Variants in CNTLN observed in about 807,000 individuals in gnomAD.
The protein encoded by CNTLN is centlein, also known as centlein, centrosomal protein.
Under a neutral mutation model 180.0 loss-of-function variants are expected in CNTLN, and 212 were observed. That is an observed-to-expected ratio of 1.18 (90% CI 1.05 to 1.32). CNTLN has a LOEUF of 1.32. Ranked by LOEUF, CNTLN falls within the 40% of genes most tolerant of loss-of-function variation. The pLI, the probability that CNTLN is intolerant of heterozygous loss-of-function variation, is 0.00. For missense variants in CNTLN, 2,095 were observed against 1,610.9 expected (o/e 1.30, Z -5.14); for synonymous variants, 722 against 563.1 (o/e 1.28, Z -3.99).
intron 8 of CNTLN, among the ~76,000 whole-genome samples, chr9:17,317,538 C>G (rs1190445263): frequency 6.6e-6 from 1 of 151,302 alleles, no homozygotes; most frequent in Non-Finnish European, 1.5e-5. Flanking sequence ...AGCATACATT[C>G]AGGTCAGAGG....
chr9:17,260,866 G>A (rs1391457154), intron 5 of CNTLN, among the ~76,000 whole-genome samples: 1 of 151,358 alleles, frequency 6.6e-6, no homozygotes, highest in Non-Finnish European at 1.5e-5. Context: ...TGTAAGGAAG[G>A]GGTCCAGTTT....
At chr9:17,190,860 G>A (rs1020658992) in intron 2 of CNTLN, among the ~76,000 whole-genome samples, 1 of 152,088 alleles carries the variant, frequency 6.6e-6, no homozygotes, top group Non-Finnish European at 1.5e-5. Context: ...AGACTTTTTG[G>A]TAAAGACCTC....
rs151008300 is a variant in CNTLN, at chr9:17,444,021, G to C, written c.3115-13503G>C. Among the ~76,000 whole-genome samples the C allele has an allele frequency of 3.7e-3, 561 of 152,278 alleles. 1 individual carries two copies. Among genetic ancestry groups the C allele is most frequent in the Non-Finnish European group, 6.1e-3 (413 of 68,014 alleles). ...ACTGTTGGACTTTACTAAGAAGACTGTATTAACAAGACTGTCTTGATAGCA... is the reference window on the plus strand; with the variant it reads ...ACTGTTGGACTTTACTAAGAAGACTCTATTAACAAGACTGTCTTGATAGCA... On this transcript the variant is annotated intron_variant, in intron 18 of 25. Coordinates refer to ENST00000380647, the MANE Select transcript of CNTLN (RefSeq NM_017738.4).
At chr9:17,266,215 T>C (rs1020182332) in intron 5 of CNTLN, among the ~76,000 whole-genome samples, 4 of 152,096 alleles carry the variant, frequency 2.6e-5, no homozygotes, top group Admixed American at 2.0e-4. Flanking sequence ...TTGAATGTGT[T>C]CCAGAGATTC....
chr9:17,343,789 C>CT (rs1821668631), intron 12 of CNTLN, among the ~76,000 whole-genome samples: 1 of 151,850 alleles, frequency 6.6e-6, no homozygotes, highest in Non-Finnish European at 1.5e-5. Context: ...TATCACCCCC[C>CT]GCTACTCTCC....
intron 2 of CNTLN, among the ~76,000 whole-genome samples, chr9:17,146,043 A>C (rs1017249658): frequency 6.6e-6 from 1 of 152,166 alleles, no homozygotes; most frequent in South Asian, 2.1e-4. Flanking sequence ...TTCTTCCTAG[A>C]TAACTTGCTT....
intron 10 of CNTLN, among the ~76,000 whole-genome samples, chr9:17,338,577 C>T (rs1821236038): frequency 6.6e-6 from 1 of 151,826 alleles, no homozygotes; most frequent in Admixed American, 6.6e-5. Context: ...ACATAATTAA[C>T]TCATGTTCAT....
chr9:17,459,443 G>A (rs1831327383), intron 19 of CNTLN, among the ~76,000 whole-genome samples: 1 of 151,776 alleles, frequency 6.6e-6, no homozygotes. Context: ...AAACTGTATA[G>A]GGACAAAAAG....
At chr9:17,523,964 T>C in the CNTLN span, among the ~76,000 whole-genome samples, 9 of 152,234 alleles carry the variant, frequency 5.9e-5, no homozygotes, top group Non-Finnish European at 1.2e-4. Flanking sequence ...CACTAATAAA[T>C]CTCTTGCTTT....
chr9:17,146,122 C>T (rs1307395066), intron 2 of CNTLN, among the ~76,000 whole-genome samples: 2 of 152,098 alleles, frequency 1.3e-5, no homozygotes, highest in East Asian at 1.9e-4. Flanking sequence ...TATTTGGGTC[C>T]TTTGAAAATT....
intron 3 of CNTLN, among the ~76,000 whole-genome samples, chr9:17,233,162 C>G (rs1485922806): frequency 6.6e-6 from 1 of 152,026 alleles, no homozygotes; most frequent in Non-Finnish European, 1.5e-5. Context: ...GAGAAGTGTT[C>G]TTCAAACTTT....
Position 17,502,561 on chromosome 9 carries a change from C to T in CNTLN, c.4130C>T (p.Ala1377Val), listed in dbSNP as rs1355195497. Residue 1377 changes from alanine to valine, a missense_variant, in exon 26 of 26, where the codon GCC becomes GTC. Coordinates refer to ENST00000380647, the MANE Select transcript of CNTLN (RefSeq NM_017738.4). ...QKLLEGQLPF[A>V]SYLLEAVLEK... The stretch of plus-strand genomic sequence containing the variant: ...GTGTTTCTTTTACAGCTTCCTTTTG[C>T]CTCATATTTACTAGAAGCAGTACTG... 2 of 1,375,072 alleles carry T rather than the reference C, an allele frequency of 1.5e-6. No individual in the cohort carries two copies. The highest frequency in any genetic ancestry group is 2.0e-6 in the Non-Finnish European group (2 of 1,007,058). The allele number at this position is 1,375,072 out of a possible 1,614,324, so 85.2% of individuals were successfully genotyped here.
At chr9:17,281,615 C>T (rs1006987945) in intron 6 of CNTLN, among the ~76,000 whole-genome samples, 6 of 152,258 alleles carry the variant, frequency 3.9e-5, no homozygotes, top group South Asian at 2.1e-4. Flanking sequence ...AGGACATCAT[C>T]TCGTTCCTTT....
intron 2 of CNTLN, among the ~76,000 whole-genome samples, chr9:17,209,998 A>G (rs1032819679): frequency 6.6e-6 from 1 of 152,200 alleles, no homozygotes; most frequent in East Asian, 1.9e-4. Flanking sequence ...AAATTTGTAC[A>G]TCTTTCATTG....
chr9:17,174,698 GA>G (rs34784210), intron 2 of CNTLN, among the ~76,000 whole-genome samples: 7,797 of 124,358 alleles, frequency 0.063, 312 homozygotes, highest in East Asian at 0.24. Flanking sequence ...TCCGTCTCAG[GA>G]AAAAAAAAAA....
rs141593625 is a variant in CNTLN, at chr9:17,349,323, C to A, written c.1886+6879C>A. Among the ~76,000 whole-genome samples, 162 of 152,232 alleles carry A rather than the reference C, an allele frequency of 1.1e-3. 1 individual carries two copies. The highest frequency in any genetic ancestry group is 3.7e-3 in the African/African-American group (155 of 41,552). On this transcript the variant is annotated intron_variant, in intron 12 of 25. Coordinates refer to ENST00000380647, the MANE Select transcript of CNTLN (RefSeq NM_017738.4). Reference sequence around the variant, plus strand: ...TTACTTTTGAGTCATTCATTAATATCTAGTTTCATACTCAGTCTTAACTGT... The same window carrying A: ...TTACTTTTGAGTCATTCATTAATATATAGTTTCATACTCAGTCTTAACTGT...
At chr9:17,361,758 C>A (rs1348056509) in intron 12 of CNTLN, among the ~76,000 whole-genome samples, 1 of 152,180 alleles carries the variant, frequency 6.6e-6, no homozygotes, top group Non-Finnish European at 1.5e-5. Flanking sequence ...ATCGAGCCAT[C>A]ATTAAGGGCT....
the CNTLN span, among the ~76,000 whole-genome samples, chr9:17,511,414 G>T: frequency 6.6e-6 from 1 of 152,076 alleles, no homozygotes; most frequent in African/African-American, 2.4e-5. Context: ...CAAGAATCTG[G>T]GTCCTCTGAC....
intron 18 of CNTLN, among the ~76,000 whole-genome samples, chr9:17,437,058 C>T (rs1022835047): frequency 2.6e-5 from 4 of 152,180 alleles, no homozygotes; most frequent in African/African-American, 9.7e-5. Flanking sequence ...GCCTGTCTCT[C>T]TCCTAGCAGA....
Sources: gnomAD v4.1 joint callset for allele counts (sites outside exome capture counted in the v4.1 genomes callset) on GRCh38, gnomAD v4.1.1 for gene constraint, MANE v1.5 for transcripts, NCBI Gene and HGNC (gene_info 2026-07-23, HGNC 2026-07-21) for gene names.